LRPPRC: variants seen among roughly 807,000 people sequenced by gnomAD.
The protein encoded by LRPPRC is leucine-rich PPR motif-containing protein, mitochondrial.
In LRPPRC, 120 loss-of-function variants were observed where a neutral mutation model predicts 180.3. The observed-to-expected ratio is 0.67, with a 90% CI of 0.57 to 0.77. The LOEUF (loss-of-function observed/expected upper bound fraction) is 0.77. Ranked by LOEUF, LRPPRC falls within the 30% of genes least tolerant of loss-of-function variation. The pLI is 0.00. For synonymous variants in LRPPRC, 723 were observed against 600.0 expected, an observed-to-expected ratio of 1.21 and a Z score of -3.00; for missense variants, 2,012 against 1,657.2, an observed-to-expected ratio of 1.21 and a Z score of -3.72.
chr2:43,934,192 C>T lies in LRPPRC; in HGVS notation c.2734G>A (p.Glu912Lys), dbSNP rs991661270. ...GNYKEAKKII[E>K]TPGIRARSAR... ...GAACACTGTAGTTAAAATCACACCT[C>T]AATGATCTTCTTGGCCTCTTTGTAA... The change falls in exon 25 of 38, where the codon GAG (glutamate) becomes AAG (lysine). Residue 912 changes from glutamate (E) to lysine (K), a missense_variant and splice_region_variant. By Grantham distance (56) the Glu-to-Lys change is moderately conservative. Coordinates refer to ENST00000260665, the MANE Select transcript of LRPPRC (RefSeq NM_133259.4). The T allele has an allele frequency of 1.3e-6, 2 of 1,564,186 alleles. No individual in the cohort carries two copies. Among genetic ancestry groups the T allele is most frequent in the Non-Finnish European group, 1.8e-6 (2 of 1,135,284 alleles).
intron 23 of LRPPRC, among the ~76,000 whole-genome samples, chr2:43,938,537 T>C (rs1055587486): frequency 6.6e-6 from 1 of 152,198 alleles, no homozygotes; most frequent in African/African-American, 2.4e-5. Context: ...TAAGGGAACA[T>C]GACTACAAAG....
rs1672263815 is a variant in LRPPRC, at chr2:43,935,990, G to A, written c.2505-1112C>T. 2.0e-5 allele frequency among the ~76,000 whole-genome samples: 3 copies of A among 152,310 alleles called. No individual in the cohort carries two copies. The South Asian group carries it at 6.2e-4, about 32-fold the overall frequency. ...CCCAGCTACTCGGGGGGCTGAGGAG[G>A]GAGAATCCCTTGAACCCGGGAGGTG... On this transcript the variant is annotated intron_variant, in intron 23 of 37. Transcript: ENST00000260665.
chr2:43,888,705 A>C, intron 37 of LRPPRC, 49 bp from the exon 38 acceptor site: 1 of 984,946 alleles, frequency 1.0e-6, no homozygotes, highest in Non-Finnish European at 1.6e-6. Context: ...GCAAGAGGTG[A>C]TGGTACATAA....
chr2:43,970,901 C>A (rs934537113), intron 11 of LRPPRC, among the ~76,000 whole-genome samples: 5 of 152,122 alleles, frequency 3.3e-5, no homozygotes, highest in South Asian at 2.1e-4. Context: ...GAGTTTGAGA[C>A]CAGCCTGGCC....
intron 2 of LRPPRC, among the ~76,000 whole-genome samples, chr2:43,981,241 C>T (rs1674294177): frequency 4.7e-5 from 7 of 148,712 alleles, no homozygotes; most frequent in Admixed American, 4.6e-4. Context: ...ATATGATCAT[C>T]TTACAGAAAC....
At chr2:43,956,658 G>A in intron 14 of LRPPRC, among the ~76,000 whole-genome samples, 1 of 152,158 alleles carries the variant, frequency 6.6e-6, no homozygotes, top group East Asian at 1.9e-4. Context: ...GGGAGGCCGA[G>A]GCAGGTGAAT....
At chr2:43,979,030 T>C (rs1258250189) in intron 3 of LRPPRC, among the ~76,000 whole-genome samples, 2 of 152,154 alleles carry the variant, frequency 1.3e-5, no homozygotes, top group Non-Finnish European at 2.9e-5. Flanking sequence ...TTTAGATTTT[T>C]AACACATTAA....
At chr2:43,942,662 TAAAG>T (rs1208347199) in intron 23 of LRPPRC, among the ~76,000 whole-genome samples, 1 of 152,030 alleles carries the variant, frequency 6.6e-6, no homozygotes, top group African/African-American at 2.4e-5. Flanking sequence ...CTCTAATAAA[TAAAG>T]AAAAACTACC....
At chr2:43,916,901 C>T (rs545693231) in intron 29 of LRPPRC, among the ~76,000 whole-genome samples, 6 of 141,276 alleles carry the variant, frequency 4.2e-5, no homozygotes, top group Admixed American at 2.3e-4. Flanking sequence ...ACCATGATTG[C>T]GCCACTGCAC....
chr2:43,934,100 C>CA (rs1672185911), intron 25 of LRPPRC, 90 bp downstream of exon 25: 1 of 749,204 alleles, frequency 1.3e-6, no homozygotes, highest in Admixed American at 2.0e-5. Flanking sequence ...TGAATCAGAA[C>CA]AAGTGTAATT....
intron 22 of LRPPRC, among the ~76,000 whole-genome samples, chr2:43,944,885 T>C (rs1672621091): frequency 6.6e-6 from 1 of 152,110 alleles, no homozygotes; most frequent in African/African-American, 2.4e-5. Flanking sequence ...AAAGTATATA[T>C]TTTGTTAATG....
intron 27 of LRPPRC, among the ~76,000 whole-genome samples, chr2:43,918,604 C>T (rs1211837998): frequency 1.3e-5 from 2 of 151,744 alleles, no homozygotes; most frequent in Non-Finnish European, 2.9e-5. Context: ...AAATACCCTA[C>T]CTATTAAAAA....
chr2:43,995,585 G>A (rs568852516), intron 1 of LRPPRC, among the ~76,000 whole-genome samples: 1 of 152,334 alleles, frequency 6.6e-6, no homozygotes, highest in Admixed American at 6.5e-5. Flanking sequence ...CAAGCCGGAG[G>A]CAGGCCATGC....
chr2:43,968,646 C>T (rs1673663385), intron 11 of LRPPRC, among the ~76,000 whole-genome samples: 1 of 152,162 alleles, frequency 6.6e-6, no homozygotes, highest in Admixed American at 6.5e-5. Flanking sequence ...AAAGACAATA[C>T]TGTCTCACTT....
chr2:43,946,325 T>A (rs1672680921), intron 20 of LRPPRC, 82 bp from the exon 21 acceptor site: 1 of 1,034,912 alleles, frequency 9.7e-7, no homozygotes, highest in Admixed American at 1.8e-5. Context: ...TGTTCAGAGT[T>A]TAGAAAAAGT....
At chr2:43,911,520 CTTCT>C (rs561515406) in intron 30 of LRPPRC, among the ~76,000 whole-genome samples, 5,338 of 113,334 alleles carry the variant, frequency 0.047, 48 homozygotes, top group Middle Eastern at 0.089. Context: ...TCTTCTTCTT[CTTCT>C]TTTTTTTTTT....
intron 11 of LRPPRC, 87 bp from the exon 12 acceptor site, chr2:43,963,793 A>T: frequency 1.2e-6 from 1 of 812,836 alleles, no homozygotes; most frequent in Non-Finnish European, 2.2e-6. Flanking sequence ...TTATTTTCTG[A>T]ATCACAGTAT....
At chr2:43,983,235 G>A (rs907935831) in intron 1 of LRPPRC, among the ~76,000 whole-genome samples, 3 of 152,056 alleles carry the variant, frequency 2.0e-5, no homozygotes, top group Non-Finnish European at 4.4e-5. Flanking sequence ...TTTTAGTAAT[G>A]GAGTCTAATA....
At chr2:43,977,759 G>A (rs1674125256) in intron 3 of LRPPRC, among the ~76,000 whole-genome samples, 1 of 152,068 alleles carries the variant, frequency 6.6e-6, no homozygotes, top group East Asian at 1.9e-4. Context: ...TCTATGGTAT[G>A]CTCTTGTTAA....
Sources: allele counts gnomAD v4.1 joint callset (sites outside exome capture counted in the v4.1 genomes callset), GRCh38; gene constraint gnomAD v4.1.1; transcripts MANE v1.5; gene names NCBI Gene and HGNC (gene_info 2026-07-23, HGNC 2026-07-21).